The following TCTA variants were observed in gnomAD, a reference collection of about 807,000 sequenced individuals.
TCTA encodes T-cell leukemia translocation-altered gene protein.
A neutral mutation model predicts 13.5 loss-of-function variants in TCTA; 13 were observed. The observed-to-expected ratio is 0.96, with a 90% CI of 0.63 to 1.53. The LOEUF is 1.53. TCTA is among the 40% of genes most tolerant of loss of function. The pLI is 0.00. For synonymous variants in TCTA, 58 were observed against 59.0 expected, an observed-to-expected ratio of 0.98 and a Z score of 0.08; for missense variants, 138 against 131.3, an observed-to-expected ratio of 1.05 and a Z score of -0.25.
chr3:49,412,986 G>T, intron 1 of TCTA, 70 bp from the exon 2 acceptor site: 1 of 1,541,674 alleles, frequency 6.5e-7, no homozygotes, highest in South Asian at 1.1e-5. Context: ...TCTCTAACCT[G>T]ACCTGGGCTG....
rs2048989475 is a variant in TCTA at position 49,415,013 on chromosome 3, C to T, written c.*151C>T. On this transcript the variant is annotated 3_prime_UTR_variant, in exon 3 of 3. Transcript: ENST00000273590. The stretch of plus-strand genomic sequence containing the variant: ...TGCCTACAGGGCTGGGCCTCTTCTG[C>T]CTCTTAAGCCTGCTCCCTCACCCAG... 1 of 823,892 alleles carries T rather than the reference C, an allele frequency of 1.2e-6. No homozygotes were observed. The highest frequency in any genetic ancestry group is 1.9e-6 in the Non-Finnish European group (1 of 523,220). The allele number at this position is 823,892 out of a possible 1,614,324, so 51.0% of individuals were successfully genotyped here.
intron 2 of TCTA, among the ~76,000 whole-genome samples, chr3:49,413,956 G>A (rs2048979744): frequency 6.6e-6 from 1 of 152,218 alleles, no homozygotes; most frequent in Non-Finnish European, 1.5e-5. Context: ...TCTTAGAGAA[G>A]AGGCCAGGCC....
chr3:49,416,417 G>A lies in TCTA; in HGVS notation c.*1555G>A, dbSNP rs1375074631. ...CCACTAATACTACTGCACAGAGTCA[G>A]GATCTCACATTTCACCCCAGGCTCA... On this transcript the variant is annotated 3_prime_UTR_variant, in exon 3 of 3. Coordinates refer to ENST00000273590, the MANE Select transcript of TCTA (RefSeq NM_022171.3). 3.5e-6 allele frequency: 1 copy of A among 282,304 alleles called. No individual in the cohort carries two copies. The highest frequency in any genetic ancestry group is 4.8e-5 in the Admixed American group (1 of 20,912). 17.5% of individuals were successfully genotyped at this position (282,304 alleles called of 1,614,324 possible).
rs1470620127 is a variant in TCTA at position 49,415,659 on chromosome 3, G to A, written c.*797G>A. 1 of 152,272 alleles carries A rather than the reference G, an allele frequency of 6.6e-6. No homozygotes were observed. Among genetic ancestry groups the A allele is most frequent in the African/African-American group, 2.4e-5 (1 of 41,444 alleles). 9.4% of individuals were successfully genotyped at this position (152,272 alleles called of 1,614,324 possible). On this transcript the variant is annotated 3_prime_UTR_variant, in exon 3 of 3. Coordinates refer to ENST00000273590, the MANE Select transcript of TCTA (RefSeq NM_022171.3). ...AAGGAGCCAGGGAATCCTGACCTGAGCCAGACCTTAAGCTCTATGGTTATT... is the reference window on the plus strand; with the variant it reads ...AAGGAGCCAGGGAATCCTGACCTGAACCAGACCTTAAGCTCTATGGTTATT...
intron 2 of TCTA, among the ~76,000 whole-genome samples, chr3:49,414,030 A>G (rs2107925311): frequency 6.6e-6 from 1 of 152,310 alleles, no homozygotes; most frequent in Middle Eastern, 3.4e-3. Flanking sequence ...ACTTGAGGTC[A>G]GGAGTTTGAG....
rs1425603699 is a variant in TCTA at position 49,415,232 on chromosome 3, G to C, written c.*370G>C. The stretch of plus-strand genomic sequence containing the variant: ...GTGACCCCATAAAAATTTTTCCTGA[G>C]TTGGCCAGGCATGGTGGCTCACGCC... On this transcript the variant is annotated 3_prime_UTR_variant, in exon 3 of 3. Transcript: ENST00000273590. 3.8e-5 allele frequency: 7 copies of C among 182,852 alleles called. No homozygotes were observed. Among genetic ancestry groups the C allele is most frequent in the Non-Finnish European group, 8.1e-5 (7 of 86,880 alleles). The allele number at this position is 182,852 out of a possible 1,614,324, so 11.3% of individuals were successfully genotyped here. A position where few individuals can be genotyped will look rare whatever the true frequency, so the allele number is the denominator to read the frequency against.
Position 49,414,935 on chromosome 3 carries a change from A to C in TCTA, c.*73A>C, listed in dbSNP as rs2048988691. ...TCTACACTGGGTTCTGCTACTCCCC[A>C]GACCTCAGGGACAACTGCCGGGGGT... On this transcript the variant is annotated 3_prime_UTR_variant, in exon 3 of 3. Transcript: ENST00000273590. The C allele has an allele frequency of 6.3e-7, 1 of 1,594,310 alleles. No homozygotes were observed. Among genetic ancestry groups the C allele is most frequent in the Admixed American group, 1.7e-5 (1 of 59,612 alleles).
Position 49,413,105 on chromosome 3 carries a change from T to G in TCTA, c.264T>G (p.Pro88=). 6.2e-7 allele frequency: 1 copy of G among 1,614,174 alleles called. No homozygotes were observed. Among genetic ancestry groups the G allele is most frequent in the Non-Finnish European group, 8.5e-7 (1 of 1,180,028 alleles). Residue 88 remains proline (P), a synonymous_variant, in exon 2 of 3, where the codon CCT becomes CCG. Coordinates refer to ENST00000273590, the MANE Select transcript of TCTA (RefSeq NM_022171.3). ...GSTPDGSTHF[P]SWEMAANEPL... Reference sequence around the variant, plus strand: ...CGCCTGATGGCTCCACGCATTTCCCTTCGTGGTGAGTAAATCTGTCCATAC... The same window carrying G: ...CGCCTGATGGCTCCACGCATTTCCCGTCGTGGTGAGTAAATCTGTCCATAC...
At position 49,414,959 on chromosome 3, in the gene TCTA, G is replaced by T. The variant is rs2048989041; in HGVS notation, c.*97G>T. ...CAGACCTCAGGGACAACTGCCGGGG[G>T]TTCAGGGTTGGTAGCAGGGAGTACC... On this transcript the variant is annotated 3_prime_UTR_variant, in exon 3 of 3. Transcript: ENST00000273590. 5 of 1,514,960 alleles carry T rather than the reference G, an allele frequency of 3.3e-6. No homozygotes were observed. The highest frequency in any genetic ancestry group is 1.8e-4 in the Middle Eastern group (1 of 5,482). The allele number at this position is 1,514,960 out of a possible 1,614,324, so 93.8% of individuals were successfully genotyped here.
At position 49,414,746 on chromosome 3, in the gene TCTA, T is replaced by G. The variant is rs2048986385; in HGVS notation, c.270-74T>G. ...CTAGCTCAGCCCCCAAGAAGGAGCTTGGGAGAGCCAATTTCAGCAACTGTT... is the reference window on the plus strand; with the variant it reads ...CTAGCTCAGCCCCCAAGAAGGAGCTGGGGAGAGCCAATTTCAGCAACTGTT... On this transcript the variant is annotated intron_variant, in intron 2 of 2. Coordinates refer to ENST00000273590, the MANE Select transcript of TCTA (RefSeq NM_022171.3). The G allele has an allele frequency of 2.5e-6, 4 of 1,590,586 alleles. No individual in the cohort carries two copies. In the East Asian group the frequency reaches 9.0e-5, roughly 36 times the overall value.
chr3:49,412,688 C>T (rs1456830123), intron 1 of TCTA, 48 bp downstream of exon 1: 2 of 1,592,614 alleles, frequency 1.3e-6, no homozygotes, highest in Non-Finnish European at 1.7e-6. Context: ...CCGCCCCCAC[C>T]CTCTCCCGAC....
rs888441272 is a variant in TCTA at position 49,414,978 on chromosome 3, G to A, written c.*116G>A. 6.0e-6 allele frequency: 8 copies of A among 1,326,328 alleles called. No homozygotes were observed. The African/African-American group carries it at 8.8e-5, about 15-fold the overall frequency. 82.2% of individuals were successfully genotyped at this position (1,326,328 alleles called of 1,614,324 possible). ...CCGGGGGTTCAGGGTTGGTAGCAGG[G>A]AGTACCCAGTGCCTACAGGGCTGGG... On this transcript the variant is annotated 3_prime_UTR_variant, in exon 3 of 3. Coordinates refer to ENST00000273590, the MANE Select transcript of TCTA (RefSeq NM_022171.3).
chr3:49,412,715 C>T (rs2048964889), intron 1 of TCTA, 75 bp downstream of exon 1: 1 of 1,520,874 alleles, frequency 6.6e-7, no homozygotes, highest in Non-Finnish European at 9.0e-7. Flanking sequence ...ATTGGGTTCC[C>T]CACTATCCTG....
chr3:49,413,629 AG>A (rs2048976864), intron 2 of TCTA, among the ~76,000 whole-genome samples: 1 of 152,182 alleles, frequency 6.6e-6, no homozygotes, highest in South Asian at 2.1e-4. Context: ...AAGGGTGGTC[AG>A]GGAAGGCTTC....
At chr3:49,414,497 G>A (rs1226370154) in intron 2 of TCTA, among the ~76,000 whole-genome samples, 1 of 152,184 alleles carries the variant, frequency 6.6e-6, no homozygotes. Flanking sequence ...TCTTGCCATT[G>A]CACCCCAACC....
rs551405494 is a variant in TCTA at position 49,416,226 on chromosome 3, T to C, written c.*1364T>C. ...TCCTTCCCTCGGGGCCATACTTCTG[T>C]TTCCATCTGCTGGGCCACCAGCCAC... On this transcript the variant is annotated 3_prime_UTR_variant, in exon 3 of 3. Coordinates refer to ENST00000273590, the MANE Select transcript of TCTA (RefSeq NM_022171.3). 1.6e-4 allele frequency: 26 copies of C among 161,478 alleles called. No homozygotes were observed. Among genetic ancestry groups the C allele is most frequent in the Admixed American group, 1.5e-3 (26 of 17,414 alleles). 10.0% of individuals were successfully genotyped at this position (161,478 alleles called of 1,614,324 possible).
At chr3:49,412,762 C>G in intron 1 of TCTA, 122 bp downstream of exon 1, 2 of 1,218,512 alleles carry the variant, frequency 1.6e-6, no homozygotes, top group Non-Finnish European at 2.3e-6. Flanking sequence ...GGTTCACGGC[C>G]TTACTACCCT....
intron 1 of TCTA, 85 bp from the exon 2 acceptor site, chr3:49,412,971 A>G: frequency 2.2e-6 from 3 of 1,390,664 alleles, no homozygotes; most frequent in Non-Finnish European, 3.0e-6. Flanking sequence ...AAACAATACC[A>G]GTGGTCTCTA....
Position 49,414,975 on chromosome 3 carries a change from A to T in TCTA, c.*113A>T. The T allele has an allele frequency of 7.3e-7, 1 of 1,363,706 alleles. No homozygotes were observed. The highest frequency in any genetic ancestry group is 1.0e-6 in the Non-Finnish European group (1 of 971,648). The allele number at this position is 1,363,706 out of a possible 1,614,324, so 84.5% of individuals were successfully genotyped here. A position where few individuals can be genotyped will look rare whatever the true frequency, so the allele number is the denominator to read the frequency against. On this transcript the variant is annotated 3_prime_UTR_variant, in exon 3 of 3. Transcript: ENST00000273590. The stretch of plus-strand genomic sequence containing the variant: ...CTGCCGGGGGTTCAGGGTTGGTAGC[A>T]GGGAGTACCCAGTGCCTACAGGGCT...
Sources: allele counts gnomAD v4.1 joint callset (sites outside exome capture counted in the v4.1 genomes callset), GRCh38; gene constraint gnomAD v4.1.1; transcripts MANE v1.5; gene names NCBI Gene and HGNC (gene_info 2026-07-23, HGNC 2026-07-21).